The following PRRC2C variants were observed in gnomAD, a reference collection of about 807,000 sequenced individuals.
PRRC2C encodes protein PRRC2C.
A neutral mutation model predicts 317.2 loss-of-function variants in PRRC2C; 72 were observed. That is an observed-to-expected ratio of 0.23 (90% confidence interval 0.19 to 0.28). The LOEUF is 0.28. Ranked by LOEUF, PRRC2C falls within the 10% of genes least tolerant of loss-of-function variation. PRRC2C has a pLI of 1.00. For missense variants in PRRC2C, 3,074 were observed against 3,459.7 expected, an observed-to-expected ratio of 0.89 and a Z score of 2.80; for synonymous variants, 1,296 against 1,205.9, an observed-to-expected ratio of 1.07 and a Z score of -1.55.
chr1:171,521,333 T>A (rs899634999), intron 6 of PRRC2C, among the ~76,000 whole-genome samples: 46 of 152,216 alleles, frequency 3.0e-4, no homozygotes, highest in African/African-American at 1.1e-3. Flanking sequence ...CTTCTTCCCT[T>A]CAAAATCATA....
intron 28 of PRRC2C, 86 bp downstream of exon 28, chr1:171,580,050 C>T: frequency 8.2e-7 from 1 of 1,213,972 alleles, no homozygotes; most frequent in East Asian, 3.0e-5. Flanking sequence ...ACTGTTCCTT[C>T]CCAAAAAAAC....
intron 20 of PRRC2C, among the ~76,000 whole-genome samples, chr1:171,562,482 A>G (rs1572026240): frequency 6.6e-6 from 1 of 152,222 alleles, no homozygotes; most frequent in Non-Finnish European, 1.5e-5. Flanking sequence ...ACGATATTAC[A>G]ATAATTGAAT....
intron 6 of PRRC2C, among the ~76,000 whole-genome samples, chr1:171,521,503 T>C (rs528010376): frequency 6.6e-6 from 1 of 152,356 alleles, no homozygotes; most frequent in African/African-American, 2.4e-5. Context: ...AATTCACCTA[T>C]GCCATATACA....
intron 11 of PRRC2C, among the ~76,000 whole-genome samples, chr1:171,531,202 G>T (rs765696578): frequency 1.3e-5 from 2 of 151,954 alleles, no homozygotes; most frequent in Non-Finnish European, 2.9e-5. Flanking sequence ...GGGGCCACAG[G>T]GGGAGGCAGA....
intron 20 of PRRC2C, among the ~76,000 whole-genome samples, chr1:171,561,390 T>C (rs1682685174): frequency 6.6e-6 from 1 of 152,184 alleles, no homozygotes; most frequent in Non-Finnish European, 1.5e-5. Context: ...AGGTCAAGGC[T>C]ACAGTAAAGT....
rs1227217275 is a variant in PRRC2C at position 171,540,175 on chromosome 1, A to G, written c.2709A>G (p.Gln903=). Residue 903 remains glutamine (Q), a synonymous_variant, in exon 16 of 35, where the codon CAA becomes CAG. Coordinates refer to ENST00000647382, the MANE Select transcript of PRRC2C (RefSeq NM_001387844.1). ...NQSACFEAPD[Q]KTLSAPQEER... is the part of the protein sequence containing the mutation. ...CTGCTTGTTTTGAAGCACCTGATCA[A>G]AAGACCTTATCCGCTCCTCAAGAGG... 6.2e-7 allele frequency: 1 copy of G among 1,613,910 alleles called. No homozygotes were observed. Among genetic ancestry groups the G allele is most frequent in the Non-Finnish European group, 8.5e-7 (1 of 1,179,858 alleles).
chr1:171,591,289 T>C (rs1651356127), intron 34 of PRRC2C: 1 of 944,082 alleles, frequency 1.1e-6, no homozygotes, highest in Admixed American at 4.5e-5. Context: ...TACATGTATG[T>C]TTTTAGATTT....
At position 171,592,560 on chromosome 1, in the gene PRRC2C, G is replaced by A. The variant is rs995746143; in HGVS notation, c.*713G>A. Reference sequence around the variant, plus strand: ...TGCTGTGTTTTGGTTGTGGTCTGAAGCTTTGAAGCGCTACTTAGCATCTCC... The same window carrying A: ...TGCTGTGTTTTGGTTGTGGTCTGAAACTTTGAAGCGCTACTTAGCATCTCC... On this transcript the variant is annotated 3_prime_UTR_variant, in exon 35 of 35. Transcript: ENST00000647382. 1 of 152,238 alleles carries A rather than the reference G, an allele frequency of 6.6e-6. No individual in the cohort carries two copies. The highest frequency in any genetic ancestry group is 6.5e-5 in the Admixed American group (1 of 15,286). The allele number at this position is 152,238 out of a possible 1,614,324, so 9.4% of individuals were successfully genotyped here. A position where few individuals can be genotyped will look rare whatever the true frequency, so the allele number is the denominator to read the frequency against.
chr1:171,511,360 C>T lies in PRRC2C; in HGVS notation c.-57-672C>T, dbSNP rs151112187. 9 of 152,146 alleles carry T rather than the reference C, an allele frequency of 5.9e-5. No homozygotes were observed. In the East Asian group the frequency reaches 1.7e-3, roughly 29 times the overall value. 9.4% of individuals were successfully genotyped at this position (152,146 alleles called of 1,614,324 possible). On this transcript the variant is annotated intron_variant, in intron 1 of 34. Transcript: ENST00000647382. Reference sequence around the variant, plus strand: ...TACATTAGCTCTAAAGATGAGGATTCTCTTTGTATTTGAATGCTTATGAAA... The same window carrying T: ...TACATTAGCTCTAAAGATGAGGATTTTCTTTGTATTTGAATGCTTATGAAA...
chr1:171,518,321 A>T (rs200362300), intron 6 of PRRC2C, among the ~76,000 whole-genome samples: 4 of 152,266 alleles, frequency 2.6e-5, no homozygotes, highest in East Asian at 3.9e-4. Flanking sequence ...TTTGTATTTT[A>T]CATTATGCAT....
chr1:171,584,134 G>A lies in PRRC2C; in HGVS notation c.7588G>A (p.Gly2530Arg), dbSNP rs770271567. Reference protein sequence around the residue: ...PIPILYEHQLGQASGLGGSQL... With the variant: ...PIPILYEHQLRQASGLGGSQL... Reference sequence around the variant, plus strand: ...TCCTATATTGTATGAACATCAACTGGGGCAGGCATCAGGACTAGGAGGTTC... The same window carrying A: ...TCCTATATTGTATGAACATCAACTGAGGCAGGCATCAGGACTAGGAGGTTC... Residue 2530 changes from glycine to arginine, a missense_variant, in exon 29 of 35, where the codon GGG becomes AGG. Transcript: ENST00000647382. 1 of 1,613,926 alleles carries A rather than the reference G, an allele frequency of 6.2e-7. No homozygotes were observed.
At chr1:171,506,802 A>G (rs550387621) in intron 1 of PRRC2C, among the ~76,000 whole-genome samples, 2 of 151,664 alleles carry the variant, frequency 1.3e-5, no homozygotes, top group Non-Finnish European at 2.9e-5. Context: ...CTAAAATGCT[A>G]GTAATACCAA....
intron 25 of PRRC2C, among the ~76,000 whole-genome samples, chr1:171,577,124 A>C (rs1685828291): frequency 6.6e-6 from 1 of 152,238 alleles, no homozygotes; most frequent in Non-Finnish European, 1.5e-5. Context: ...GATGATTAAA[A>C]AACAAATCAT....
At chr1:171,550,981 C>G (rs1287396132) in intron 18 of PRRC2C, among the ~76,000 whole-genome samples, 3 of 152,010 alleles carry the variant, frequency 2.0e-5, no homozygotes, top group African/African-American at 7.2e-5. Context: ...GGGTATATAC[C>G]CAGTAATGGG....
intron 1 of PRRC2C, among the ~76,000 whole-genome samples, chr1:171,493,172 A>G (rs926288289): frequency 1.1e-4 from 17 of 152,296 alleles, no homozygotes; most frequent in Admixed American, 6.5e-4. Context: ...GAGGGATGTT[A>G]ACCAATTCTC....
At chr1:171,512,819 T>C (rs2294290) in intron 2 of PRRC2C, 176 bp from the exon 3 acceptor site, 100,517 of 542,874 alleles carry the variant, frequency 0.19, 12,047 homozygotes, top group East Asian at 0.51. Flanking sequence ...TGGCTTGATT[T>C]CTACACTGAA....
chr1:171,536,460 G>A (rs1676852127), intron 14 of PRRC2C, among the ~76,000 whole-genome samples, 182 bp downstream of exon 14: 1 of 152,248 alleles, frequency 6.6e-6, no homozygotes, highest in African/African-American at 2.4e-5. Flanking sequence ...TATGTGGCAA[G>A]AACAAAATAC....
In PRRC2C at chr1:171,517,757, A is replaced by G. The variant is rs1557897924; in HGVS notation, c.693A>G (p.Lys231=). ...KRIACGPPQA[K]LNGQQAALAS... The stretch of plus-strand genomic sequence containing the variant: ...TAGCTTGTGGTCCTCCACAGGCTAA[A>G]CTGAATGGACAGCAGGCTGCTCTCG... Residue 231 remains lysine, a synonymous_variant, in exon 6 of 35, where the codon AAA becomes AAG. Transcript: ENST00000647382. 1 of 1,613,830 alleles carries G rather than the reference A, an allele frequency of 6.2e-7. No individual in the cohort carries two copies.
intron 17 of PRRC2C, among the ~76,000 whole-genome samples, chr1:171,549,064 T>C: frequency 6.6e-6 from 1 of 152,192 alleles, no homozygotes; most frequent in East Asian, 1.9e-4. Context: ...AACATATATT[T>C]ATTTTTAACA....
Sources: allele counts gnomAD v4.1 joint callset (sites outside exome capture counted in the v4.1 genomes callset), GRCh38; gene constraint gnomAD v4.1.1; transcripts MANE v1.5; gene names NCBI Gene and HGNC (gene_info 2026-07-23, HGNC 2026-07-21).